KCNMA1: variants seen among roughly 807,000 people sequenced by gnomAD.
KCNMA1 encodes the protein Calcium-activated potassium channel subunit alpha-1.
KCNMA1 carries 29 observed loss-of-function variants against 140.0 expected under a neutral mutation model. The observed-to-expected ratio is 0.21, with a 90% CI of 0.15 to 0.28. The LOEUF is 0.28. Ranked by LOEUF, KCNMA1 falls within the 10% of genes least tolerant of loss-of-function variation. The probability of loss-of-function intolerance (pLI) is 1.00; values close to 1 mark genes in which losing one functional copy is unlikely to be tolerated. For missense variants in KCNMA1, 880 were observed against 1,602.2 expected (o/e 0.55, Z 7.70); for synonymous variants, 612 against 611.9 (o/e 1.00, Z 0.00).
intron 1 of KCNMA1, among the ~76,000 whole-genome samples, chr10:77,473,966 G>A (rs780273354): frequency 1.3e-5 from 2 of 152,150 alleles, no homozygotes; most frequent in Non-Finnish European, 2.9e-5. Context: ...GAACAGGTGC[G>A]CTCCTCCTCC....
intron 3 of KCNMA1, among the ~76,000 whole-genome samples, chr10:77,201,400 C>T (rs1049074010): frequency 6.6e-6 from 1 of 152,202 alleles, no homozygotes; most frequent in African/African-American, 2.4e-5. Context: ...AAAGAACCCT[C>T]TATACATGGA....
At chr10:76,923,551 C>A (rs778557266) in intron 23 of KCNMA1, among the ~76,000 whole-genome samples, 1 of 152,168 alleles carries the variant, frequency 6.6e-6, no homozygotes, top group Non-Finnish European at 1.5e-5. Flanking sequence ...AACTCAAACA[C>A]ACCTAAAACT....
intron 2 of KCNMA1, among the ~76,000 whole-genome samples, chr10:77,340,151 A>G (rs922391559): frequency 2.0e-5 from 3 of 152,334 alleles, no homozygotes; most frequent in East Asian, 1.9e-4. Flanking sequence ...GCAAATCAAA[A>G]CCACAATGAG....
At chr10:77,538,548 C>T (rs1234880958) in intron 1 of KCNMA1, among the ~76,000 whole-genome samples, 2 of 152,178 alleles carry the variant, frequency 1.3e-5, no homozygotes, top group Non-Finnish European at 2.9e-5. Flanking sequence ...AGCTGTGTGG[C>T]CTTGGCAAGG....
intron 1 of KCNMA1, among the ~76,000 whole-genome samples, chr10:77,620,275 G>A (rs935775352): frequency 5.9e-5 from 9 of 152,098 alleles, no homozygotes; most frequent in Non-Finnish European, 7.4e-5. Flanking sequence ...GGGCCTGGCC[G>A]CCAGGCCTGG....
intron 18 of KCNMA1, among the ~76,000 whole-genome samples, chr10:77,009,697 G>T (rs2090223339): frequency 6.6e-6 from 1 of 152,010 alleles, no homozygotes; most frequent in Non-Finnish European, 1.5e-5. Context: ...AGTGCCACTG[G>T]CCTTTCTTCC....
chr10:77,295,190 A>T (rs768672766), intron 2 of KCNMA1, among the ~76,000 whole-genome samples: 1 of 151,892 alleles, frequency 6.6e-6, no homozygotes, highest in Non-Finnish European at 1.5e-5. Flanking sequence ...TCTACTAAAA[A>T]TACAAAAATT....
chr10:77,327,987 C>T (rs973412124), intron 2 of KCNMA1, among the ~76,000 whole-genome samples: 3 of 152,274 alleles, frequency 2.0e-5, no homozygotes, highest in Non-Finnish European at 4.4e-5. Context: ...TCAGCCCCTC[C>T]CTTTCCACCC....
intron 12 of KCNMA1, 136 bp downstream of exon 12, chr10:77,084,501 T>A: frequency 4.0e-6 from 3 of 745,996 alleles, no homozygotes; most frequent in Non-Finnish European, 7.0e-6. Context: ...CCCAGGCCTA[T>A]GCAGCTGGTG....
chr10:77,472,934 C>T (rs144339148), intron 1 of KCNMA1, among the ~76,000 whole-genome samples: 216 of 152,302 alleles, frequency 1.4e-3, no homozygotes, highest in African/African-American at 4.9e-3. Flanking sequence ...TCATGGTGGG[C>T]TCGTACTAGG....
chr10:77,562,291 T>G (rs1260866753), intron 1 of KCNMA1, among the ~76,000 whole-genome samples: 1 of 152,228 alleles, frequency 6.6e-6, no homozygotes, highest in African/African-American at 2.4e-5. Context: ...TATTCAGATT[T>G]TTTTTAGTAA....
At chr10:77,313,218 T>G (rs2079823092) in intron 2 of KCNMA1, among the ~76,000 whole-genome samples, 1 of 152,176 alleles carries the variant, frequency 6.6e-6, no homozygotes, top group Admixed American at 6.5e-5. Flanking sequence ...ATAAAGCTGG[T>G]CTACACATAA....
chr10:77,522,520 G>A (rs568819534), intron 1 of KCNMA1, among the ~76,000 whole-genome samples: 99 of 152,308 alleles, frequency 6.5e-4, no homozygotes, highest in African/African-American at 2.2e-3. Context: ...GTCAGAAAAG[G>A]CAAGCTGGAT....
intron 2 of KCNMA1, among the ~76,000 whole-genome samples, chr10:77,284,115 G>A (rs1341352035): frequency 3.9e-5 from 6 of 152,200 alleles, no homozygotes; most frequent in Admixed American, 3.9e-4. Context: ...TATGACCAGG[G>A]CTGGACACTG....
chr10:77,244,837 C>T (rs1359658194), intron 3 of KCNMA1, among the ~76,000 whole-genome samples: 1 of 152,252 alleles, frequency 6.6e-6, no homozygotes, highest in Admixed American at 6.5e-5. Context: ...TTATTTACAG[C>T]CTCTTTGCCC....
intron 1 of KCNMA1, among the ~76,000 whole-genome samples, chr10:77,514,341 G>C (rs916565077): frequency 3.3e-5 from 5 of 152,196 alleles, no homozygotes; most frequent in Non-Finnish European, 7.3e-5. Context: ...TTTGCATCCT[G>C]GCTGCCTGAC....
chr10:76,901,657 A>G (rs947758877), intron 25 of KCNMA1: 1 of 152,238 alleles, frequency 6.6e-6, no homozygotes, highest in African/African-American at 2.4e-5. Flanking sequence ...AGAATTGCTC[A>G]TCAACAGGTA....
At chr10:77,624,814 C>T (rs2092222629) in intron 1 of KCNMA1, among the ~76,000 whole-genome samples, 1 of 152,026 alleles carries the variant, frequency 6.6e-6, no homozygotes, top group Admixed American at 6.6e-5. Context: ...TTAAACCAGA[C>T]CCCACAGGCA....
intron 2 of KCNMA1, among the ~76,000 whole-genome samples, chr10:77,356,807 T>A (rs753000107): frequency 6.6e-6 from 1 of 152,164 alleles, no homozygotes; most frequent in Non-Finnish European, 1.5e-5. Context: ...CCAGGAGTGA[T>A]ATCCACCCAG....
Sources: gnomAD v4.1 joint callset for allele counts (sites outside exome capture counted in the v4.1 genomes callset) on GRCh38, gnomAD v4.1.1 for gene constraint, MANE v1.5 for transcripts, NCBI Gene and HGNC (gene_info 2026-07-23, HGNC 2026-07-21) for gene names.